The following SHANK2 variants were observed in gnomAD, a reference collection of about 807,000 sequenced individuals.
SHANK2 encodes SH3 and multiple ankyrin repeat domains 2.
A neutral mutation model predicts 133.7 loss-of-function variants in SHANK2; 43 were observed. The observed-to-expected ratio is 0.32, with a 90% CI of 0.25 to 0.41. The LOEUF (loss-of-function observed/expected upper bound fraction) is 0.41, where lower values mean the gene tolerates loss of function less well. SHANK2 is among the 10% of genes least tolerant of loss of function. SHANK2 has a pLI of 1.00. For synonymous variants in SHANK2, 1,017 were observed against 952.8 expected (o/e 1.07, Z -1.24); for missense variants, 1,994 against 2,235.8 (o/e 0.89, Z 2.18).
chr11:71,182,975 T>G (rs1953589597), intron 2 of SHANK2, among the ~76,000 whole-genome samples: 1 of 152,196 alleles, frequency 6.6e-6, no homozygotes, highest in Admixed American at 6.5e-5. Context: ...CTCTGTCTAG[T>G]GCTACTGGTG....
intron 6 of SHANK2, among the ~76,000 whole-genome samples, chr11:71,101,996 G>A (rs2135168980): frequency 6.6e-6 from 1 of 152,316 alleles, no homozygotes; most frequent in East Asian, 1.9e-4. Flanking sequence ...GATCCGTAAA[G>A]GAACCATCTC....
At chr11:70,690,882 G>A (rs1161767632) in intron 15 of SHANK2, among the ~76,000 whole-genome samples, 1 of 151,938 alleles carries the variant, frequency 6.6e-6, no homozygotes, top group Admixed American at 6.6e-5. Flanking sequence ...ATGTGTCAAG[G>A]ATGTTTCACA....
At chr11:70,546,794 C>T (rs7937478) in intron 17 of SHANK2, among the ~76,000 whole-genome samples, 120,198 of 152,170 alleles carry the variant, frequency 0.79, 47,982 homozygotes, top group Middle Eastern at 0.88. Context: ...GTGTCTCCAG[C>T]GTGTCAGGCC....
chr11:71,239,464 A>C (rs1317958596), intron 1 of SHANK2, among the ~76,000 whole-genome samples: 1 of 152,058 alleles, frequency 6.6e-6, no homozygotes, highest in Admixed American at 6.5e-5. Context: ...AATGGTAAAA[A>C]AATTTTTTTT....
chr11:70,533,373 A>G (rs968489949), intron 17 of SHANK2, among the ~76,000 whole-genome samples: 4 of 152,176 alleles, frequency 2.6e-5, no homozygotes, highest in African/African-American at 7.2e-5. Context: ...TACAGGTGTG[A>G]GCCACTGTGC....
At chr11:70,855,012 G>A (rs185751199) in intron 11 of SHANK2, among the ~76,000 whole-genome samples, 1 of 152,338 alleles carries the variant, frequency 6.6e-6, no homozygotes, top group Non-Finnish European at 1.5e-5. Context: ...CATCAATCTA[G>A]GAGGTCTGGG....
intron 12 of SHANK2, among the ~76,000 whole-genome samples, chr11:70,819,153 A>G (rs1948465784): frequency 6.6e-6 from 1 of 152,256 alleles, no homozygotes; most frequent in Non-Finnish European, 1.5e-5. Context: ...CGACATCACC[A>G]AAAACATGGC....
At chr11:70,901,930 G>A (rs782321632) in intron 10 of SHANK2, among the ~76,000 whole-genome samples, 4 of 152,198 alleles carry the variant, frequency 2.6e-5, no homozygotes, top group Non-Finnish European at 4.4e-5. Flanking sequence ...ATCCACATGT[G>A]AAGCCAAGGG....
At chr11:71,222,101 C>T (rs985261108) in intron 2 of SHANK2, among the ~76,000 whole-genome samples, 7 of 151,952 alleles carry the variant, frequency 4.6e-5, no homozygotes, top group Non-Finnish European at 7.4e-5. Flanking sequence ...CCCAGATCAT[C>T]GACATCCCCA....
chr11:70,676,353 G>A lies in SHANK2; in HGVS notation c.1854-14675C>T, dbSNP rs565187883. Among the ~76,000 whole-genome samples the A allele has an allele frequency of 2.0e-5, 3 of 152,358 alleles. No homozygotes were observed. The East Asian group carries it at 5.8e-4, about 29-fold the overall frequency. Reference sequence around the variant, plus strand: ...GGCCAAGCGGACCCGAGGTCTGCTGGGACCTCTGGGAAAGGCTGGACTATT... The same window carrying A: ...GGCCAAGCGGACCCGAGGTCTGCTGAGACCTCTGGGAAAGGCTGGACTATT... On this transcript the variant is annotated intron_variant, in intron 15 of 25. Transcript: ENST00000601538.
rs60654256 is a variant in SHANK2, at chr11:71,105,590, T to TAAA, written c.592+4348_592+4350dup. Among the ~76,000 whole-genome samples the TAAA allele has an allele frequency of 3.8e-3, 294 of 77,888 alleles. 2 individuals are homozygous for TAAA. Among genetic ancestry groups the TAAA allele is most frequent in the African/African-American group, 1.0e-2 (193 of 19,346 alleles). 51.1% of individuals were successfully genotyped at this position (77,888 alleles called of 152,430 possible). ...CTGGGTGACAGAGAGAGACTCAGTC[T>TAAA]AAAAAAAAAAAAAAAAAAAAAAAAG... is the stretch of plus-strand genomic sequence containing the variant. On this transcript the variant is annotated intron_variant, in intron 6 of 25. Transcript: ENST00000601538.
At chr11:70,523,640 G>T (rs2059358342) in intron 17 of SHANK2, among the ~76,000 whole-genome samples, 1 of 152,160 alleles carries the variant, frequency 6.6e-6, no homozygotes, top group Admixed American at 6.5e-5. Context: ...TCCTTCCCAT[G>T]TACCCTGTGC....
At chr11:70,492,489 G>C (rs1555156157) in intron 21 of SHANK2, 24 bp from the exon 22 acceptor site, 1 of 1,613,506 alleles carries the variant, frequency 6.2e-7, no homozygotes. Context: ...GTGAGGATTG[G>C]AGCAGCAACA....
At chr11:70,606,612 G>C (rs1554992512) in intron 17 of SHANK2, among the ~76,000 whole-genome samples, 1 of 150,154 alleles carries the variant, frequency 6.7e-6, no homozygotes, top group African/African-American at 2.4e-5. Flanking sequence ...GGGGGGCCAA[G>C]TCCTGCAGTA....
intron 2 of SHANK2, among the ~76,000 whole-genome samples, chr11:71,220,516 G>T (rs1954514163): frequency 6.6e-6 from 1 of 152,144 alleles, no homozygotes; most frequent in African/African-American, 2.4e-5. Flanking sequence ...ACAGCCAAAA[G>T]GTTGGAGCAA....
In SHANK2 at chr11:70,487,492, G is replaced by T; in HGVS notation, c.2801C>A (p.Pro934His). The T allele has an allele frequency of 6.2e-7, 1 of 1,613,964 alleles. No individual in the cohort carries two copies. Among genetic ancestry groups the T allele is most frequent in the South Asian group, 1.1e-5 (1 of 91,060 alleles). The change falls in exon 25 of 26, where the codon CCC becomes CAC. Residue 934 changes from proline (P) to histidine (H), a missense_variant. This residue lies in a region of SHANK2 where 488 missense variants were observed against 642.6 expected (regional missense o/e 0.76). Transcript: ENST00000601538. The surrounding 1 kb of genome is among the most constrained non-coding windows in gnomAD (Gnocchi z 5.8). Reference sequence around the variant, plus strand: ...GGCCACGGTGTCGGACCTGGTGGCGGGGGACACCTTGGCGGCAGAATTCTG... The same window carrying T: ...GGCCACGGTGTCGGACCTGGTGGCGTGGGACACCTTGGCGGCAGAATTCTG... ...FNQNSAAKVS[P>H]ATRSDTVATM...
intron 17 of SHANK2, among the ~76,000 whole-genome samples, chr11:70,528,259 C>A (rs142467510): frequency 3.8e-4 from 58 of 152,344 alleles, no homozygotes; most frequent in African/African-American, 1.3e-3. Flanking sequence ...ACGAACGTGG[C>A]TCTCGGGCTG....
intron 17 of SHANK2, chr11:70,647,261 T>A (rs1419748637): frequency 6.6e-6 from 1 of 152,248 alleles, no homozygotes; most frequent in Non-Finnish European, 1.5e-5. Context: ...TTCCTTCAAG[T>A]CTTGCCTGTG....
chr11:71,219,936 A>G lies in SHANK2; in HGVS notation c.-13+4761T>C, dbSNP rs200860051. Among the ~76,000 whole-genome samples the G allele has an allele frequency of 1.3e-4, 18 of 141,646 alleles. No homozygotes were observed. In the East Asian group the frequency reaches 3.7e-3, roughly 29 times the overall value. 92.9% of individuals were successfully genotyped at this position (141,646 alleles called of 152,430 possible). On this transcript the variant is annotated intron_variant, in intron 2 of 25. Coordinates refer to ENST00000601538, the MANE Select transcript of SHANK2 (RefSeq NM_012309.5). ...ATTAAATTAAAAATTTACAAAAACA[A>G]AAACAGGCCAGGTGTGGTGGCTCAC...
Sources: gnomAD v4.1 joint callset for allele counts (sites outside exome capture counted in the v4.1 genomes callset) on GRCh38, gnomAD v4.1.1 for gene constraint, gnomAD v4.1.1 regional missense constraint, Gnocchi (gnomAD v3.1) non-coding constraint, MANE v1.5 for transcripts, NCBI Gene and HGNC (gene_info 2026-07-23, HGNC 2026-07-21) for gene names.